The following BAG6 variants were observed in gnomAD, a reference collection of about 807,000 sequenced individuals.
BAG6 encodes the protein large proline-rich protein BAG6.
BAG6 carries 22 observed loss-of-function variants against 121.0 expected under a neutral mutation model. The ratio of observed to expected loss-of-function variants is 0.18; its 90% CI spans 0.13 to 0.26. The LOEUF (loss-of-function observed/expected upper bound fraction) is 0.26. Ranked by LOEUF, BAG6 falls within the 10% of genes least tolerant of loss-of-function variation. BAG6 has a pLI of 1.00. For synonymous variants in BAG6, 583 were observed against 584.6 expected (o/e 1.00, Z 0.04); for missense variants, 1,233 against 1,537.7 (o/e 0.80, Z 3.31).
intron 6 of BAG6, among the ~76,000 whole-genome samples, 162 bp downstream of exon 6, chr6:31,648,515 T>C (rs1792692958): frequency 6.6e-6 from 1 of 151,902 alleles, no homozygotes; most frequent in Non-Finnish European, 1.5e-5. Context: ...TGAGAGAGCC[T>C]CACAAAGATA....
rs376318560 is a variant in BAG6, at chr6:31,649,622, A to G, written c.114T>C (p.Asn38=). Residue 38 remains asparagine, a synonymous_variant, in exon 3 of 26, where the codon AAT becomes AAC. Transcript: ENST00000676615. The part of the protein sequence containing the change: ...TRTFIVGAQM[N]VKEFKEHIAA... ...CAATGTGCTCCTTAAACTCTTTTAC[A>G]TTCATCTGAAAAGAAGAGGCATGCA... 7 of 1,612,558 alleles carry G rather than the reference A, an allele frequency of 4.3e-6. No homozygotes were observed. Among genetic ancestry groups the G allele is most frequent in the African/African-American group, 4.0e-5 (3 of 74,854 alleles).
rs764866182 is a variant in BAG6, at chr6:31,640,531, G to A, written c.2995-3C>T. On this transcript the variant is annotated splice_polypyrimidine_tract_variant and splice_region_variant and intron_variant, in intron 22 of 25. Transcript: ENST00000676615. The surrounding 1 kb of genome is among the most constrained non-coding windows in gnomAD (Gnocchi z 4.2). ...GGGGCTGGGGAAGCATTCTCCCGCT[G>A]GGTGTCAGATGGCGGGAAGAGCCAG... 6.2e-7 allele frequency: 1 copy of A among 1,612,938 alleles called. No homozygotes were observed. The highest frequency in any genetic ancestry group is 2.2e-5 in the East Asian group (1 of 44,884).
intron 25 of BAG6, 100 bp from the exon 26 acceptor site, chr6:31,639,326 C>G (rs142375348): frequency 1.5e-4 from 213 of 1,453,052 alleles, no homozygotes; most frequent in East Asian, 6.6e-4. Flanking sequence ...ATTTCCCCCC[C>G]CAAGCACACT....
rs1396958159 is a variant in BAG6, at chr6:31,647,696, A to G, written c.683T>C (p.Met228Thr). The change falls in exon 7 of 26, where the codon ATG becomes ACG. Residue 228 changes from methionine to threonine, a missense_variant. By Grantham distance (81) the Met-to-Thr change is moderately conservative (BLOSUM62 -1). This residue lies in a region of BAG6 where 777 missense variants were observed against 861.4 expected (regional missense o/e 0.90). Transcript: ENST00000676615. ...ACGCTCCTCCACTTCTTCTGCCTCC[A>G]TGGGCTCCCGGGGAGGTGCTTCACT... ...VESEAPPREP[M>T]EAEEVEERAP... 1.2e-6 allele frequency: 2 copies of G among 1,604,426 alleles called. No individual in the cohort carries two copies. Among genetic ancestry groups the G allele is most frequent in the South Asian group, 1.1e-5 (1 of 89,752 alleles).
chr6:31,639,319 TCCCCCCCC>T, intron 25 of BAG6, 93 bp from the exon 26 acceptor site: 1 of 1,419,658 alleles, frequency 7.0e-7, no homozygotes. Context: ...AGCTAACATT[TCCCCCCCC>T]AAGCACACTG....
rs1787091673 is a variant in BAG6 at position 31,644,754 on chromosome 6, C to T, written c.1370-152G>A. 1 of 1,235,442 alleles carries T rather than the reference C, an allele frequency of 8.1e-7. No individual in the cohort carries two copies. Among genetic ancestry groups the T allele is most frequent in the South Asian group, 1.3e-5 (1 of 79,400 alleles). The allele number at this position is 1,235,442 out of a possible 1,614,324, so 76.5% of individuals were successfully genotyped here. On this transcript the variant is annotated intron_variant, in intron 10 of 25. Coordinates refer to ENST00000676615, the MANE Select transcript of BAG6 (RefSeq NM_001387994.1). This position sits in a 1 kb window ranked among gnomAD's most constrained non-coding sequence, Gnocchi z 4.9. ...TAAACAGGGAGAGGTACTCCCTTCA[C>T]CACACAAACACACCTCCAAAGACAA...
chr6:31,641,512 G>A lies in BAG6; in HGVS notation c.2559+27C>T, dbSNP rs1430989079. 1.2e-6 allele frequency: 2 copies of A among 1,613,984 alleles called. No homozygotes were observed. Among genetic ancestry groups the A allele is most frequent in the African/African-American group, 1.3e-5 (1 of 74,900 alleles). The stretch of plus-strand genomic sequence containing the variant: ...AGCTGCCTTGACCAGACCCAGGAGA[G>A]GAAAGGAATAGAGAAGGGTTACTCA... On this transcript the variant is annotated intron_variant, in intron 18 of 25. Coordinates refer to ENST00000676615, the MANE Select transcript of BAG6 (RefSeq NM_001387994.1). This position sits in a 1 kb window ranked among gnomAD's most constrained non-coding sequence, Gnocchi z 5.7.
rs1276062923 is a variant in BAG6, at chr6:31,641,956, A to C, written c.2336-11T>G. 7 of 1,612,414 alleles carry C rather than the reference A, an allele frequency of 4.3e-6. No homozygotes were observed. The highest frequency in any genetic ancestry group is 5.9e-6 in the Non-Finnish European group (7 of 1,179,592). On this transcript the variant is annotated splice_polypyrimidine_tract_variant and intron_variant, in intron 16 of 25. Transcript: ENST00000676615. This position sits in a 1 kb window ranked among gnomAD's most constrained non-coding sequence, Gnocchi z 5.7. The stretch of plus-strand genomic sequence containing the variant: ...AGGCCCCAAAGAATCCTGGGGGACA[A>C]GGGCAGATGTTAGCAATGGCCTTTA...
rs912822736 is a variant in BAG6, at chr6:31,641,960, C to G, written c.2336-15G>C. On this transcript the variant is annotated splice_polypyrimidine_tract_variant and intron_variant, in intron 16 of 25. Transcript: ENST00000676615. This position sits in a 1 kb window ranked among gnomAD's most constrained non-coding sequence, Gnocchi z 5.7. ...CCCAAAGAATCCTGGGGGACAAGGG[C>G]AGATGTTAGCAATGGCCTTTACCAC... is the stretch of plus-strand genomic sequence containing the variant. The G allele has an allele frequency of 6.2e-7, 1 of 1,612,004 alleles. No homozygotes were observed. Among genetic ancestry groups the G allele is most frequent in the Non-Finnish European group, 8.5e-7 (1 of 1,179,326 alleles).
chr6:31,644,461 C>A lies in BAG6; in HGVS notation c.1448-47G>T. On this transcript the variant is annotated intron_variant, in intron 11 of 25. Coordinates refer to ENST00000676615, the MANE Select transcript of BAG6 (RefSeq NM_001387994.1). This position sits in a 1 kb window ranked among gnomAD's most constrained non-coding sequence, Gnocchi z 4.9. ...ACCTTGAACCTGGACCCCTTCAACC[C>A]ACCCACTCAGCCCTTCCCTTTCTCT... is the stretch of plus-strand genomic sequence containing the variant. 6.4e-7 allele frequency: 1 copy of A among 1,565,490 alleles called. No homozygotes were observed. The highest frequency in any genetic ancestry group is 1.9e-5 in the Admixed American group (1 of 53,972).
At chr6:31,645,245 C>G (rs1295031213) in intron 9 of BAG6, 47 bp from the exon 10 acceptor site, 1 of 1,600,350 alleles carries the variant, frequency 6.2e-7, no homozygotes, top group Non-Finnish European at 8.5e-7. Context: ...ATACAAGAGC[C>G]TAACCAAGAA....
chr6:31,642,688 A>T, intron 15 of BAG6, 141 bp downstream of exon 15: 1 of 985,674 alleles, frequency 1.0e-6, no homozygotes, highest in Non-Finnish European at 1.5e-6. Context: ...AAAGGTTCAG[A>T]GTCAATGAAT....
At position 31,645,036 on chromosome 6, in the gene BAG6, C is replaced by G. The variant is rs1258642678; in HGVS notation, c.1279G>C (p.Ala427Pro). The G allele has an allele frequency of 6.2e-7, 1 of 1,612,658 alleles. No individual in the cohort carries two copies. The highest frequency in any genetic ancestry group is 2.2e-5 in the East Asian group (1 of 44,880). Residue 427 changes from alanine (A) to proline (P), a missense_variant, in exon 10 of 26, where the codon GCT becomes CCT. Physicochemically the swap from Ala to Pro is conservative, Grantham distance 27. Around this residue, in one of 7 missense-constraint regions of BAG6, gnomAD observed 777 missense variants for 861.4 expected, o/e 0.90. Transcript: ENST00000676615. ...SAEGAPPPGP[A>P]PPPATSHPRV... ...GGGTGGCTGGTGGCTGGCGGGGGAG[C>G]TGGACCTGGCGGGGGAGCCCCCTCA... is the stretch of plus-strand genomic sequence containing the variant.
intron 1 of BAG6, chr6:31,652,068 T>C (rs975860650): frequency 2.8e-5 from 9 of 316,794 alleles, no homozygotes; most frequent in Admixed American, 1.2e-4. Context: ...GACCAGAGAC[T>C]AGTGTCATCA....
At position 31,640,165 on chromosome 6, in the gene BAG6, TAG is replaced by T. The variant is rs202172137; in HGVS notation, c.3246+32_3246+33del. The T allele has an allele frequency of 4.2e-3, 6,717 of 1,597,788 alleles. 107 individuals are homozygous for T. In the East Asian group the frequency reaches 0.044, roughly 10 times the overall value. On this transcript the variant is annotated intron_variant, in intron 24 of 25. Transcript: ENST00000676615. This position sits in a 1 kb window ranked among gnomAD's most constrained non-coding sequence, Gnocchi z 4.2. ...TCCAGGCATGACGGGGAAACCTGGATAGAGAGAGAGGCTTAGGGAAGAGGAAA... is the reference window on the plus strand; with the variant it reads ...TCCAGGCATGACGGGGAAACCTGGATAGAGAGAGGCTTAGGGAAGAGGAAA...
Position 31,644,917 on chromosome 6 carries a change from C to G in BAG6, c.1369+29G>C, listed in dbSNP as rs1787363877. On this transcript the variant is annotated intron_variant, in intron 10 of 25. Coordinates refer to ENST00000676615, the MANE Select transcript of BAG6 (RefSeq NM_001387994.1). This position sits in a 1 kb window ranked among gnomAD's most constrained non-coding sequence, Gnocchi z 4.9. ...ATGAACCTCCCTCATCATGCTGATC[C>G]TGCTCTTCTCGCCAGCAACTATTCT... 19 of 1,551,012 alleles carry G rather than the reference C, an allele frequency of 1.2e-5. No homozygotes were observed. Among genetic ancestry groups the G allele is most frequent in the Non-Finnish European group, 1.6e-5 (18 of 1,147,160 alleles).
chr6:31,647,667 G>A lies in BAG6; in HGVS notation c.712C>T (p.Pro238Ser). 6.2e-7 allele frequency: 1 copy of A among 1,604,930 alleles called. No homozygotes were observed. Among genetic ancestry groups the A allele is most frequent in the Non-Finnish European group, 8.5e-7 (1 of 1,177,066 alleles). Residue 238 changes from proline (P) to serine (S), a missense_variant, in exon 7 of 26, where the codon CCA (proline) becomes TCA (serine). Coordinates refer to ENST00000676615, the MANE Select transcript of BAG6 (RefSeq NM_001387994.1). ...GGAGTGAGCTCCGGGTTCTGGGCTG[G>A]GGCACGCTCCTCCACTTCTTCTGCC... is the stretch of plus-strand genomic sequence containing the variant. ...MEAEEVEERA[P>S]AQNPELTPGP...
chr6:31,651,710 C>T lies in BAG6; in HGVS notation c.54G>A (p.Glu18=). The change falls in exon 2 of 26, where the codon GAG becomes GAA. Residue 18 remains glutamate (E), a synonymous_variant. Coordinates refer to ENST00000676615, the MANE Select transcript of BAG6 (RefSeq NM_001387994.1). ...GAGAGTCCAAGGTCTTCACCAACAC[C>T]TCCAAGCTGTCAGGCTCCTCCACAG... ...STAVEEPDSL[E]VLVKTLDSQT... 1 of 1,613,042 alleles carries T rather than the reference C, an allele frequency of 6.2e-7. No homozygotes were observed. Among genetic ancestry groups the T allele is most frequent in the East Asian group, 2.2e-5 (1 of 44,878 alleles).
At chr6:31,650,969 A>G (rs921367198) in intron 2 of BAG6, among the ~76,000 whole-genome samples, 13 of 152,148 alleles carry the variant, frequency 8.5e-5, no homozygotes, top group African/African-American at 2.9e-4. Flanking sequence ...ATGGGTTCTG[A>G]TTTCTACCCT....
Sources: allele counts gnomAD v4.1 joint callset (sites outside exome capture counted in the v4.1 genomes callset), GRCh38; gene constraint gnomAD v4.1.1; regional missense constraint gnomAD v4.1.1; non-coding constraint Gnocchi (gnomAD v3.1); transcripts MANE v1.5; gene names NCBI Gene and HGNC (gene_info 2026-07-23, HGNC 2026-07-21).